The following FGF9 variants were observed in gnomAD, a reference collection of about 807,000 sequenced individuals.
The protein encoded by FGF9 is fibroblast growth factor 9, also known as fibroblast growth factor 9 (glia-activating factor).
In FGF9, 3 loss-of-function variants were observed where a neutral mutation model predicts 19.9. The ratio of observed to expected loss-of-function variants is 0.15; its 90% CI spans 0.07 to 0.39. The LOEUF is 0.39. Ranked by LOEUF, FGF9 falls within the 10% of genes least tolerant of loss-of-function variation. The probability of loss-of-function intolerance (pLI) is 1.00; values close to 1 mark genes in which losing one functional copy is unlikely to be tolerated. For missense variants in FGF9, 175 were observed against 256.8 expected (o/e 0.68, Z 2.18); for synonymous variants, 107 against 106.9 (o/e 1.00, Z -0.01).
intron 2 of FGF9, among the ~76,000 whole-genome samples, chr13:21,687,717 C>T (rs918022348): frequency 6.6e-6 from 1 of 152,188 alleles, no homozygotes; most frequent in Non-Finnish European, 1.5e-5. Context: ...TTATCTCAGA[C>T]ACACCACCGA....
intron 1 of FGF9, among the ~76,000 whole-genome samples, chr13:21,679,426 T>A (rs1871987088): frequency 6.6e-6 from 1 of 152,194 alleles, no homozygotes; most frequent in African/African-American, 2.4e-5. Flanking sequence ...TGTTGAAAAA[T>A]TCATGTAAGT....
chr13:21,674,480 C>G (rs1871853718), intron 1 of FGF9, among the ~76,000 whole-genome samples: 1 of 151,076 alleles, frequency 6.6e-6, no homozygotes, highest in Non-Finnish European at 1.5e-5. Context: ...CGCCTCCGCT[C>G]CGGCTTCACA....
Position 21,672,217 on chromosome 13 carries a change from C to T in FGF9, c.277+28C>T, listed in dbSNP as rs1412311893. On this transcript the variant is annotated intron_variant, in intron 1 of 2. Coordinates refer to ENST00000382353, the MANE Select transcript of FGF9 (RefSeq NM_002010.3). This position sits in a 1 kb window ranked among gnomAD's most constrained non-coding sequence, Gnocchi z 4.2. Reference sequence around the variant, plus strand: ...AGGTATACCATTAACCCTTTAGTGTCCATGAGATGACATGTTGAAATTATA... The same window carrying T: ...AGGTATACCATTAACCCTTTAGTGTTCATGAGATGACATGTTGAAATTATA... 5.0e-6 allele frequency: 8 copies of T among 1,613,328 alleles called. No homozygotes were observed. The highest frequency in any genetic ancestry group is 6.8e-6 in the Non-Finnish European group (8 of 1,179,496).
Position 21,704,486 on chromosome 13 carries a change from A to G in FGF9, c.*3051A>G, listed in dbSNP as rs371644471. ...GTAATTTGTGTAAATACATAATTAC[A>G]GAGTTTTGAAAACTGGTATTTTTTA... is the stretch of plus-strand genomic sequence containing the variant. On this transcript the variant is annotated 3_prime_UTR_variant, in exon 3 of 3. Coordinates refer to ENST00000382353, the MANE Select transcript of FGF9 (RefSeq NM_002010.3). 3 of 152,386 alleles carry G rather than the reference A, an allele frequency of 2.0e-5. No homozygotes were observed. In the East Asian group the frequency reaches 5.8e-4, roughly 29 times the overall value. 9.4% of individuals were successfully genotyped at this position (152,386 alleles called of 1,614,324 possible).
intron 2 of FGF9, among the ~76,000 whole-genome samples, chr13:21,690,793 C>T (rs777178218): frequency 6.6e-6 from 1 of 152,198 alleles, no homozygotes; most frequent in Non-Finnish European, 1.5e-5. Context: ...GGATCTGTTT[C>T]GTGCCATGTG....
intron 2 of FGF9, among the ~76,000 whole-genome samples, chr13:21,683,941 G>A (rs539943085): frequency 3.0e-4 from 46 of 152,326 alleles, no homozygotes; most frequent in African/African-American, 1.0e-3. Flanking sequence ...AGGATGAACC[G>A]CTGCCTGGAT....
chr13:21,681,034 G>A lies in FGF9; in HGVS notation c.278-8G>A. ...ATCTGTCCTCTGCCTTCTACCCTTT[G>A]TCTACAGGCATTCTGGAATTTATCA... On this transcript the variant is annotated splice_polypyrimidine_tract_variant and splice_region_variant and intron_variant, in intron 1 of 2. Coordinates refer to ENST00000382353, the MANE Select transcript of FGF9 (RefSeq NM_002010.3). The A allele has an allele frequency of 6.2e-7, 1 of 1,606,950 alleles. No individual in the cohort carries two copies. Among genetic ancestry groups the A allele is most frequent in the Non-Finnish European group, 8.5e-7 (1 of 1,173,698 alleles).
chr13:21,679,582 C>T (rs1336083170), intron 1 of FGF9, among the ~76,000 whole-genome samples: 1 of 151,792 alleles, frequency 6.6e-6, no homozygotes, highest in Non-Finnish European at 1.5e-5. Flanking sequence ...AATGTAAGGT[C>T]TACATAAAAT....
At chr13:21,677,768 C>T (rs897997265) in intron 1 of FGF9, among the ~76,000 whole-genome samples, 1 of 152,288 alleles carries the variant, frequency 6.6e-6, no homozygotes, top group East Asian at 1.9e-4. Context: ...GTTATTTTGA[C>T]GTCTCTATTT....
intron 2 of FGF9, among the ~76,000 whole-genome samples, chr13:21,699,049 T>A (rs1400698019): frequency 6.6e-6 from 1 of 152,218 alleles, no homozygotes; most frequent in East Asian, 1.9e-4. Flanking sequence ...CACTTAAACT[T>A]CTATCCGTTT....
Position 21,703,727 on chromosome 13 carries a change from A to C in FGF9, c.*2292A>C, listed in dbSNP as rs1455894749. The stretch of plus-strand genomic sequence containing the variant: ...TAGGTATACTATGTAGCACTGAAAA[A>C]ATTGATTTTAGGTGACAGCCAAAAG... On this transcript the variant is annotated 3_prime_UTR_variant, in exon 3 of 3. Transcript: ENST00000382353. The C allele has an allele frequency of 2.0e-5, 3 of 152,134 alleles. No individual in the cohort carries two copies. The highest frequency in any genetic ancestry group is 4.4e-5 in the Non-Finnish European group (3 of 68,026). 9.4% of individuals were successfully genotyped at this position (152,134 alleles called of 1,614,324 possible).
chr13:21,693,609 T>C (rs1438204931), intron 2 of FGF9, among the ~76,000 whole-genome samples: 1 of 152,182 alleles, frequency 6.6e-6, no homozygotes, highest in African/African-American at 2.4e-5. Context: ...TAAGTTCTCT[T>C]TGGGCAGTTC....
chr13:21,695,749 A>T (rs1872395873), intron 2 of FGF9, among the ~76,000 whole-genome samples: 1 of 152,202 alleles, frequency 6.6e-6, no homozygotes, highest in African/African-American at 2.4e-5. Flanking sequence ...ACTGTAATAA[A>T]CAGTAGATAT....
chr13:21,688,104 T>A (rs1331247465), intron 2 of FGF9, among the ~76,000 whole-genome samples: 1 of 152,222 alleles, frequency 6.6e-6, no homozygotes, highest in African/African-American at 2.4e-5. Flanking sequence ...TCAGGTGCTC[T>A]GCAGGAGCAA....
chr13:21,676,312 G>A (rs1478276582), intron 1 of FGF9, among the ~76,000 whole-genome samples: 1 of 152,138 alleles, frequency 6.6e-6, no homozygotes, highest in Non-Finnish European at 1.5e-5. Flanking sequence ...ATTGGGTCAG[G>A]TGAAGGTTTT....
chr13:21,675,963 G>C (rs1380855373), intron 1 of FGF9, among the ~76,000 whole-genome samples: 1 of 151,154 alleles, frequency 6.6e-6, no homozygotes, highest in Non-Finnish European at 1.5e-5. Context: ...GTGGTGTGGA[G>C]ATAAGATTGA....
rs551739903 is a variant in FGF9, at chr13:21,684,591, G to C, written c.381+3446G>C. On this transcript the variant is annotated intron_variant, in intron 2 of 2. Transcript: ENST00000382353. Reference sequence around the variant, plus strand: ...GTTGTCTCTGGTGTGTGTGGCCTGAGGGGGAATGAGGCTGAAGCTGGAGGA... The same window carrying C: ...GTTGTCTCTGGTGTGTGTGGCCTGACGGGGAATGAGGCTGAAGCTGGAGGA... 2.2e-3 allele frequency among the ~76,000 whole-genome samples: 329 copies of C among 152,198 alleles called. 2 individuals are homozygous for C. The highest frequency in any genetic ancestry group is 7.7e-3 in the African/African-American group (319 of 41,496).
chr13:21,684,197 T>C (rs1336654761), intron 2 of FGF9, among the ~76,000 whole-genome samples: 2 of 152,246 alleles, frequency 1.3e-5, no homozygotes, highest in African/African-American at 4.8e-5. Flanking sequence ...TTATTCTAGT[T>C]AGCATTTCTT....
intron 2 of FGF9, among the ~76,000 whole-genome samples, chr13:21,690,099 C>T (rs986165853): frequency 2.0e-5 from 3 of 152,162 alleles, no homozygotes; most frequent in African/African-American, 4.8e-5. Flanking sequence ...TCTCTGGGTT[C>T]CCTGAGTTAA....
Sources: gnomAD v4.1 joint callset for allele counts (sites outside exome capture counted in the v4.1 genomes callset) on GRCh38, gnomAD v4.1.1 for gene constraint, Gnocchi (gnomAD v3.1) non-coding constraint, MANE v1.5 for transcripts, NCBI Gene and HGNC (gene_info 2026-07-23, HGNC 2026-07-21) for gene names.